The following TLN2 variants were observed in gnomAD, a reference collection of about 807,000 sequenced individuals.
The protein encoded by TLN2 is talin 2.
A neutral mutation model predicts 294.7 loss-of-function variants in TLN2; 118 were observed. The observed-to-expected ratio is 0.40, with a 90% CI of 0.34 to 0.47. The LOEUF (loss-of-function observed/expected upper bound fraction) is 0.47, where lower values mean the gene tolerates loss of function less well. Ranked by LOEUF, TLN2 falls within the 20% of genes least tolerant of loss-of-function variation. The pLI is 0.84. For missense variants in TLN2, 3,083 were observed against 3,282.2 expected, an observed-to-expected ratio of 0.94 and a Z score of 1.48; for synonymous variants, 1,431 against 1,304.5, an observed-to-expected ratio of 1.10 and a Z score of -2.09.
intron 45 of TLN2, among the ~76,000 whole-genome samples, chr15:62,788,355 G>C (rs2064845162): frequency 6.6e-6 from 1 of 152,144 alleles, no homozygotes; most frequent in South Asian, 2.1e-4. Context: ...TGTTCCCCTA[G>C]TAAAACAAAA....
intron 1 of TLN2, among the ~76,000 whole-genome samples, chr15:62,581,275 C>A (rs895208993): frequency 6.6e-6 from 1 of 152,192 alleles, no homozygotes; most frequent in African/African-American, 2.4e-5. Context: ...AGATTGGCTT[C>A]TTCTGTTAGT....
At chr15:62,604,482 G>A (rs2047251821) in intron 2 of TLN2, among the ~76,000 whole-genome samples, 1 of 143,356 alleles carries the variant, frequency 7.0e-6, no homozygotes, top group African/African-American at 2.6e-5. Flanking sequence ...CCATGATTGA[G>A]TCACTGCACT....
rs2034027793 is a variant in TLN2 at position 62,415,592 on chromosome 15, C to T, written c.-238+24907C>T. On this transcript the variant is annotated intron_variant, in intron 1 of 58. Coordinates refer to ENST00000636159, the MANE Select transcript of TLN2 (RefSeq NM_015059.3). ...CCCATTCATTTAACCCCTGCTTGCCCCATTCTGGGGAAACAGCAGCCCAAC... is the reference window on the plus strand; with the variant it reads ...CCCATTCATTTAACCCCTGCTTGCCTCATTCTGGGGAAACAGCAGCCCAAC... Among the ~76,000 whole-genome samples the T allele has an allele frequency of 1.3e-5, 2 of 152,144 alleles. 1 individual carries two copies. Among genetic ancestry groups the T allele is most frequent in the South Asian group, 4.2e-4 (2 of 4,816 alleles).
At chr15:62,820,678 A>C in intron 54 of TLN2, 68 bp downstream of exon 54, 1 of 1,567,216 alleles carries the variant, frequency 6.4e-7, no homozygotes, top group South Asian at 1.2e-5. Context: ...TGTGAAATGG[A>C]GCTAGGAGTG....
intron 11 of TLN2, among the ~76,000 whole-genome samples, chr15:62,682,170 C>A (rs1383706515): frequency 2.0e-5 from 3 of 152,164 alleles, no homozygotes; most frequent in African/African-American, 7.2e-5. Context: ...TCAACTTTGC[C>A]CCTGTAGTAT....
chr15:62,429,872 T>C (rs2034921861), intron 1 of TLN2, among the ~76,000 whole-genome samples: 1 of 152,238 alleles, frequency 6.6e-6, no homozygotes, highest in South Asian at 2.1e-4. Context: ...TAATATGTTT[T>C]CCTGAGAACT....
chr15:62,493,736 G>A (rs1393530092), intron 1 of TLN2, among the ~76,000 whole-genome samples: 3 of 151,248 alleles, frequency 2.0e-5, no homozygotes, highest in Admixed American at 6.6e-5. Context: ...TTAGCCTCCC[G>A]AGTAGCTGGG....
At chr15:62,640,295 T>A (rs920468914) in intron 3 of TLN2, 3 of 456,040 alleles carry the variant, frequency 6.6e-6, no homozygotes, top group Non-Finnish European at 1.3e-5. Context: ...AGATGAATTA[T>A]AGCAAGTACA....
At chr15:62,761,875 G>A in intron 38 of TLN2, 54 bp downstream of exon 38, 2 of 1,604,634 alleles carry the variant, frequency 1.2e-6, no homozygotes, top group Non-Finnish European at 1.7e-6. Context: ...ACTTTGTGTG[G>A]CACCAAATGA....
chr15:62,442,162 C>T (rs115096705), intron 1 of TLN2, among the ~76,000 whole-genome samples: 2 of 151,850 alleles, frequency 1.3e-5, no homozygotes, highest in Admixed American at 6.6e-5. Context: ...CCCGCCACCC[C>T]GACACCATGT....
intron 1 of TLN2, among the ~76,000 whole-genome samples, chr15:62,551,370 G>A (rs2042292252): frequency 6.6e-6 from 1 of 152,088 alleles, no homozygotes; most frequent in East Asian, 1.9e-4. Flanking sequence ...TACTTACCTG[G>A]TGTTAAGAAC....
chr15:62,759,845 G>A (rs2141017367), intron 37 of TLN2, among the ~76,000 whole-genome samples: 1 of 152,288 alleles, frequency 6.6e-6, no homozygotes, highest in East Asian at 1.9e-4. Flanking sequence ...CTGTGTTTGG[G>A]CCCATCTGTG....
At chr15:62,674,454 T>C (rs1013352657) in intron 10 of TLN2, among the ~76,000 whole-genome samples, 2 of 152,158 alleles carry the variant, frequency 1.3e-5, no homozygotes, top group African/African-American at 4.8e-5. Flanking sequence ...TCTCCAGTAT[T>C]GTTTCTGAGT....
chr15:62,648,571 G>A (rs1232096013), intron 4 of TLN2, among the ~76,000 whole-genome samples: 3 of 113,100 alleles, frequency 2.7e-5, no homozygotes, highest in African/African-American at 1.0e-4. Flanking sequence ...TTTTGAGATG[G>A]AATCTCACTC....
rs1567276188 is a variant in TLN2 at position 62,655,924 on chromosome 15, T to C, written c.518-20T>C. The C allele has an allele frequency of 3.7e-6, 6 of 1,613,874 alleles. No individual in the cohort carries two copies. The highest frequency in any genetic ancestry group is 3.4e-6 in the Non-Finnish European group (4 of 1,179,794). ...AGGAAAAATAAACACAGTTCTCTTA[T>C]ATGTCTTGTTGTGTTGCAGTAAATT... On this transcript the variant is annotated intron_variant, in intron 7 of 58. Coordinates refer to ENST00000636159, the MANE Select transcript of TLN2 (RefSeq NM_015059.3).
At chr15:62,567,080 T>C (rs973141161) in intron 1 of TLN2, among the ~76,000 whole-genome samples, 10 of 152,214 alleles carry the variant, frequency 6.6e-5, no homozygotes, top group African/African-American at 2.4e-4. Flanking sequence ...TAGTTATCTG[T>C]TTTTTTCCCA....
At chr15:62,604,524 T>TAAAAA (rs35955277) in intron 2 of TLN2, among the ~76,000 whole-genome samples, 3 of 87,308 alleles carry the variant, frequency 3.4e-5, no homozygotes, top group Non-Finnish European at 4.3e-5. Flanking sequence ...GACCTTGTCT[T>TAAAAA]AAAAAAAAAA....
chr15:62,712,195 A>C, intron 22 of TLN2, 118 bp downstream of exon 22: 2 of 1,266,976 alleles, frequency 1.6e-6, no homozygotes, highest in South Asian at 3.1e-5. Flanking sequence ...CTTAAAACCT[A>C]TATGGCTTGT....
rs759805949 is a variant in TLN2, at chr15:62,819,527, A to G, written c.6783A>G (p.Lys2261=). 23 of 1,613,968 alleles carry G rather than the reference A, an allele frequency of 1.4e-5. No individual in the cohort carries two copies. Among genetic ancestry groups the G allele is most frequent in the Non-Finnish European group, 1.9e-5 (22 of 1,180,020 alleles). ...LLEHVLVILQ[K]PTPEFKQQLA... Reference sequence around the variant, plus strand: ...TTCTTCACCTGTAGATTCTTCAGAAACCAACCCCAGAATTCAAGCAGCAGC... The same window carrying G: ...TTCTTCACCTGTAGATTCTTCAGAAGCCAACCCCAGAATTCAAGCAGCAGC... Residue 2261 remains lysine, a synonymous_variant, in exon 53 of 59, where the codon AAA becomes AAG. Coordinates refer to ENST00000636159, the MANE Select transcript of TLN2 (RefSeq NM_015059.3).
Sources: allele counts gnomAD v4.1 joint callset (sites outside exome capture counted in the v4.1 genomes callset), GRCh38; gene constraint gnomAD v4.1.1; transcripts MANE v1.5; gene names NCBI Gene and HGNC (gene_info 2026-07-23, HGNC 2026-07-21).